Variants in ASH1L observed in about 807,000 individuals in gnomAD.
The protein encoded by ASH1L is ASH1 like histone lysine methyltransferase.
Under a neutral mutation model 269.0 loss-of-function variants are expected in ASH1L, and 23 were observed. That is an observed-to-expected ratio of 0.09 (90% confidence interval 0.06 to 0.12). ASH1L has a LOEUF of 0.12. Ranked by LOEUF, ASH1L falls within the 10% of genes least tolerant of loss-of-function variation. The pLI is 1.00. For synonymous variants in ASH1L, 1,187 were observed against 1,253.5 expected (o/e 0.95, Z 1.12); for missense variants, 2,912 against 3,567.8 (o/e 0.82, Z 4.68).
chr1:155,453,976 G>A (rs1166135839), intron 4 of ASH1L, among the ~76,000 whole-genome samples: 1 of 151,200 alleles, frequency 6.6e-6, no homozygotes, highest in Non-Finnish European at 1.5e-5. Context: ...GTGGTGGCAG[G>A]CGCCCGTAGT....
At chr1:155,375,613 C>T (rs770320983) in intron 10 of ASH1L, among the ~76,000 whole-genome samples, 22 of 152,040 alleles carry the variant, frequency 1.4e-4, no homozygotes, top group Non-Finnish European at 2.2e-4. Flanking sequence ...ATGGCAAAAC[C>T]CTGTCTCTAC....
chr1:155,432,018 C>A (rs559811631), intron 5 of ASH1L, among the ~76,000 whole-genome samples: 1 of 152,146 alleles, frequency 6.6e-6, no homozygotes, highest in Non-Finnish European at 1.5e-5. Flanking sequence ...TAGAAGCCCA[C>A]CTCATAACCA....
chr1:155,504,847 T>A (rs947706181), intron 2 of ASH1L, among the ~76,000 whole-genome samples: 3 of 121,764 alleles, frequency 2.5e-5, no homozygotes, highest in African/African-American at 9.7e-5. Context: ...AGACTGAAAC[T>A]CCATCTCAAA....
At chr1:155,366,742 C>T (rs941472881) in intron 12 of ASH1L, among the ~76,000 whole-genome samples, 9 of 152,046 alleles carry the variant, frequency 5.9e-5, no homozygotes, top group East Asian at 3.9e-4. Flanking sequence ...GGCACGATCT[C>T]GGCTCACTGC....
chr1:155,378,181 T>G lies in ASH1L; in HGVS notation c.6332+100A>C. On this transcript the variant is annotated intron_variant, in intron 10 of 27. Coordinates refer to ENST00000392403, the MANE Select transcript of ASH1L (RefSeq NM_018489.3). ...GTTTATATATCTTTGTGCAACTTCT[T>G]GAAAAAAATCAAAGAGCCTATTTAA... 5.8e-6 allele frequency: 5 copies of G among 859,540 alleles called. No homozygotes were observed. In the South Asian group the frequency reaches 8.8e-5, roughly 15 times the overall value. The allele number at this position is 859,540 out of a possible 1,614,324, so 53.2% of individuals were successfully genotyped here.
chr1:155,493,509 A>G (rs1666949503), intron 2 of ASH1L, among the ~76,000 whole-genome samples: 1 of 152,242 alleles, frequency 6.6e-6, no homozygotes. Flanking sequence ...CTTTCTAACT[A>G]TAACTGATAG....
intron 1 of ASH1L, among the ~76,000 whole-genome samples, chr1:155,530,697 C>T (rs532123508): frequency 1.3e-5 from 2 of 151,064 alleles, no homozygotes; most frequent in East Asian, 3.9e-4. Flanking sequence ...GACTGTGCCA[C>T]TGCACTCCAG....
chr1:155,532,839 T>TA (rs1373112880), intron 1 of ASH1L, among the ~76,000 whole-genome samples: 1 of 143,344 alleles, frequency 7.0e-6, no homozygotes, highest in African/African-American at 2.6e-5. Context: ...AAAAAAAAAA[T>TA]TATATATATA....
chr1:155,415,941 A>G lies in ASH1L; in HGVS notation c.5829-18T>C. 1 of 1,485,672 alleles carries G rather than the reference A, an allele frequency of 6.7e-7. No homozygotes were observed. Among genetic ancestry groups the G allele is most frequent in the Non-Finnish European group, 9.0e-7 (1 of 1,117,072 alleles). 92.0% of individuals were successfully genotyped at this position (1,485,672 alleles called of 1,614,324 possible). The stretch of plus-strand genomic sequence containing the variant: ...CATTAAAGCTAGAAAGAGAAGTTTA[A>G]AGATAATTTTATTATGAAAAAAAAG... On this transcript the variant is annotated intron_variant, in intron 5 of 27. Transcript: ENST00000392403.
intron 2 of ASH1L, among the ~76,000 whole-genome samples, chr1:155,504,364 A>T (rs1667689685): frequency 6.6e-6 from 1 of 152,184 alleles, no homozygotes; most frequent in Non-Finnish European, 1.5e-5. Context: ...GGCAACTATT[A>T]AAAATACGTT....
Position 155,357,352 on chromosome 1 carries a change from G to A in ASH1L, c.7019C>T (p.Pro2340Leu), listed in dbSNP as rs368940175. Residue 2340 changes from proline (P) to leucine (L), a missense_variant, in exon 15 of 28, where the codon CCC becomes CTC. Coordinates refer to ENST00000392403, the MANE Select transcript of ASH1L (RefSeq NM_018489.3). ...GGACATTGGCTTCATCTGTAATTGGGGGGTCAATCTAGTTGGGGTGTTGAT... is the reference window on the plus strand; with the variant it reads ...GGACATTGGCTTCATCTGTAATTGGAGGGTCAATCTAGTTGGGGTGTTGAT... ...ENINTPTRLTPQLQMKPMSNR... is the reference protein window; with the variant it reads ...ENINTPTRLTLQLQMKPMSNR... The A allele has an allele frequency of 1.2e-6, 2 of 1,613,648 alleles. No homozygotes were observed. The highest frequency in any genetic ancestry group is 2.7e-5 in the African/African-American group (2 of 74,816).
rs761764613 is a variant in ASH1L, at chr1:155,521,432, T to A, written c.88A>T (p.Thr30Ser). Reference sequence around the variant, plus strand: ...TCTACTTCTCTCTTACTGACCAATGTGCCAGTACTGATGGCAGAAGGACTC... The same window carrying A: ...TCTACTTCTCTCTTACTGACCAATGAGCCAGTACTGATGGCAGAAGGACTC... ...RKSPSAISTG[T>S]LVSKREVELE... Residue 30 changes from threonine to serine, a missense_variant, in exon 2 of 28, where the codon ACA (threonine) becomes TCA (serine). By Grantham distance (58) the Thr-to-Ser change is moderately conservative. Around this residue, in one of 13 missense-constraint regions of ASH1L, gnomAD observed 115 missense variants for 101.5 expected, o/e 1.13. Transcript: ENST00000392403. The A allele has an allele frequency of 9.9e-6, 16 of 1,613,954 alleles. No individual in the cohort carries two copies. The highest frequency in any genetic ancestry group is 3.3e-5 in the Admixed American group (2 of 60,006).
chr1:155,525,405 T>C (rs527849937), intron 1 of ASH1L, among the ~76,000 whole-genome samples: 1 of 152,194 alleles, frequency 6.6e-6, no homozygotes, highest in African/African-American at 2.4e-5. Context: ...CATTTTAGTC[T>C]TAATTACCCT....
At chr1:155,452,993 T>G (rs947629033) in intron 4 of ASH1L, among the ~76,000 whole-genome samples, 2 of 152,222 alleles carry the variant, frequency 1.3e-5, no homozygotes, top group Non-Finnish European at 2.9e-5. Flanking sequence ...CTTAGGCCAT[T>G]TTTTTGGAGT....
intron 2 of ASH1L, among the ~76,000 whole-genome samples, chr1:155,496,883 C>G (rs1245401517): frequency 6.6e-6 from 1 of 151,858 alleles, no homozygotes; most frequent in Non-Finnish European, 1.5e-5. Flanking sequence ...CGGGCTCGGG[C>G]AATTCTCCCG....
At chr1:155,447,135 G>A (rs1312500091) in intron 4 of ASH1L, among the ~76,000 whole-genome samples, 1 of 152,148 alleles carries the variant, frequency 6.6e-6, no homozygotes, top group African/African-American at 2.4e-5. Flanking sequence ...CCAATCTTAG[G>A]GAGGAAGCTT....
intron 12 of ASH1L, 41 bp downstream of exon 12, chr1:155,370,463 T>C (rs1571022374): frequency 6.2e-7 from 1 of 1,611,150 alleles, no homozygotes; most frequent in Non-Finnish European, 8.5e-7. Flanking sequence ...TCAATGCTTA[T>C]TCTGCTGGAT....
intron 7 of ASH1L, among the ~76,000 whole-genome samples, chr1:155,382,075 C>T (rs538460805): frequency 8.6e-5 from 13 of 151,534 alleles, no homozygotes; most frequent in South Asian, 2.1e-4. Flanking sequence ...GGTGTGGTGG[C>T]GCACACCTGT....
At chr1:155,506,829 C>G (rs1667848254) in intron 2 of ASH1L, among the ~76,000 whole-genome samples, 1 of 152,114 alleles carries the variant, frequency 6.6e-6, no homozygotes, top group Non-Finnish European at 1.5e-5. Context: ...TATGGTGGCT[C>G]ACACCTGTAA....
Sources: gnomAD v4.1 joint callset for allele counts (sites outside exome capture counted in the v4.1 genomes callset) on GRCh38, gnomAD v4.1.1 for gene constraint, gnomAD v4.1.1 regional missense constraint, MANE v1.5 for transcripts, NCBI Gene and HGNC (gene_info 2026-07-23, HGNC 2026-07-21) for gene names.